SLC1A3: variants seen among roughly 807,000 people sequenced by gnomAD.
SLC1A3 encodes the protein excitatory amino acid transporter 1.
In SLC1A3, 21 loss-of-function variants were observed where a neutral mutation model predicts 48.1. That is an observed-to-expected ratio of 0.44 (90% CI 0.31 to 0.63). The LOEUF (loss-of-function observed/expected upper bound fraction) is 0.63, where lower values mean the gene tolerates loss of function less well. SLC1A3 is among the 20% of genes least tolerant of loss of function. SLC1A3 has a pLI of 0.08. For synonymous variants in SLC1A3, 239 were observed against 251.4 expected (o/e 0.95, Z 0.47); for missense variants, 546 against 689.0 (o/e 0.79, Z 2.32).
chr5:36,651,546 C>T (rs1359605987), intron 3 of SLC1A3, among the ~76,000 whole-genome samples: 1 of 146,856 alleles, frequency 6.8e-6, no homozygotes, highest in African/African-American at 2.5e-5. Flanking sequence ...CACCCTCCCA[C>T]CCCCAGCCCA....
intron 1 of SLC1A3, among the ~76,000 whole-genome samples, chr5:36,597,233 C>CT (rs70976237): frequency 0.057 from 2,619 of 45,638 alleles, 672 homozygotes; most frequent in African/African-American, 0.064. Context: ...TTCTTCCTTT[C>CT]TTTTTTTTTT....
intron 3 of SLC1A3, among the ~76,000 whole-genome samples, chr5:36,633,426 C>T (rs1366361174): frequency 6.6e-6 from 1 of 152,104 alleles, no homozygotes; most frequent in African/African-American, 2.4e-5. Flanking sequence ...GTGTCTGGGA[C>T]GTATGGTAGG....
Position 36,683,716 on chromosome 5 carries a change from A to C in SLC1A3, c.1290-148A>C, listed in dbSNP as rs1742530454. The C allele has an allele frequency of 1.2e-5, 10 of 853,136 alleles. 1 individual carries two copies. The Admixed American group carries it at 2.2e-4, about 19-fold the overall frequency. The allele number at this position is 853,136 out of a possible 1,614,324, so 52.8% of individuals were successfully genotyped here. A position where few individuals can be genotyped will look rare whatever the true frequency, so the allele number is the denominator to read the frequency against. ...GAGTGAGATACTGTTTCAAAAAAAA[A>C]AAAAATCTCATTTACGTTTTTTCTG... is the stretch of plus-strand genomic sequence containing the variant. On this transcript the variant is annotated intron_variant, in intron 8 of 9. Transcript: ENST00000265113.
chr5:36,609,335 A>G (rs1447966150), intron 2 of SLC1A3: 1 of 829,308 alleles, frequency 1.2e-6, no homozygotes, highest in Non-Finnish European at 1.5e-6. Context: ...CATTGATCCT[A>G]CTTTAAAATA....
chr5:36,597,128 G>T (rs1030470837), intron 1 of SLC1A3, among the ~76,000 whole-genome samples: 1 of 150,492 alleles, frequency 6.6e-6, no homozygotes, highest in Non-Finnish European at 1.5e-5. Context: ...TGGTGTTACT[G>T]CTCGTTCTGC....
At chr5:36,669,645 T>C (rs1741904409) in intron 3 of SLC1A3, 1 of 152,124 alleles carries the variant, frequency 6.6e-6, no homozygotes, top group African/African-American at 2.4e-5. Context: ...ATAATGAAAA[T>C]TATAAGTGAT....
chr5:36,616,190 A>G (rs1561241249), intron 2 of SLC1A3, among the ~76,000 whole-genome samples: 1 of 152,164 alleles, frequency 6.6e-6, no homozygotes, highest in South Asian at 2.1e-4. Context: ...TAGAGACTCC[A>G]TCTAAAAAAA....
At chr5:36,638,484 T>C (rs890211544) in intron 3 of SLC1A3, among the ~76,000 whole-genome samples, 2 of 152,160 alleles carry the variant, frequency 1.3e-5, no homozygotes, top group Non-Finnish European at 1.5e-5. Context: ...TTTCAATCTT[T>C]CCGTAAAGTT....
chr5:36,679,003 T>C (rs2055086318), intron 6 of SLC1A3, among the ~76,000 whole-genome samples: 1 of 152,256 alleles, frequency 6.6e-6, no homozygotes, highest in Admixed American at 6.5e-5. Context: ...AAAGGTGATC[T>C]GAAGAATAAT....
chr5:36,650,254 G>A (rs559351151), intron 3 of SLC1A3, among the ~76,000 whole-genome samples: 34 of 152,274 alleles, frequency 2.2e-4, no homozygotes, highest in African/African-American at 7.2e-4. Context: ...TGAGGGAAAG[G>A]CTGCTTTCCA....
chr5:36,603,723 G>C (rs144329355), upstream of SLC1A3, among the ~76,000 whole-genome samples: 1 of 152,116 alleles, frequency 6.6e-6, no homozygotes, highest in Non-Finnish European at 1.5e-5. Flanking sequence ...TTACACTCTG[G>C]GGTTAAGTCA....
intron 3 of SLC1A3, among the ~76,000 whole-genome samples, chr5:36,656,027 C>T (rs1017803413): frequency 5.3e-5 from 8 of 152,156 alleles, no homozygotes; most frequent in African/African-American, 1.9e-4. Flanking sequence ...TGACTGAGAA[C>T]ATTGGTGTTG....
chr5:36,606,322 C>A (rs1738938533), upstream of SLC1A3: 1 of 152,262 alleles, frequency 6.6e-6, no homozygotes, highest in Non-Finnish European at 1.5e-5. Context: ...TTGAAACGTT[C>A]TAATCAAGAC....
chr5:36,607,191 T>C (rs1738985557), intron 1 of SLC1A3: 1 of 152,150 alleles, frequency 6.6e-6, no homozygotes, highest in Non-Finnish European at 1.5e-5. Context: ...TTAAGACAAG[T>C]CTTTTTTTTT....
At chr5:36,654,028 G>C (rs1248149019) in intron 3 of SLC1A3, among the ~76,000 whole-genome samples, 1 of 152,146 alleles carries the variant, frequency 6.6e-6, no homozygotes, top group Non-Finnish European at 1.5e-5. Context: ...ATTTTTCGTA[G>C]AGACAGGGTT....
At chr5:36,650,213 C>G (rs1434346735) in intron 3 of SLC1A3, among the ~76,000 whole-genome samples, 1 of 152,122 alleles carries the variant, frequency 6.6e-6, no homozygotes, top group Non-Finnish European at 1.5e-5. Flanking sequence ...AGTCCTCTCT[C>G]CTGAATACAG....
chr5:36,644,850 C>T (rs1276871181), intron 3 of SLC1A3, among the ~76,000 whole-genome samples: 2 of 152,164 alleles, frequency 1.3e-5, no homozygotes, highest in Non-Finnish European at 2.9e-5. Flanking sequence ...CCTCAGCCGC[C>T]CCTGTGGTTG....
chr5:36,641,968 G>T (rs985523530), intron 3 of SLC1A3, among the ~76,000 whole-genome samples: 4 of 152,106 alleles, frequency 2.6e-5, no homozygotes, highest in Admixed American at 1.3e-4. Context: ...TATCATTTAG[G>T]CATAATACTT....
At chr5:36,684,758 A>G (rs995101364) in intron 9 of SLC1A3, among the ~76,000 whole-genome samples, 1 of 152,208 alleles carries the variant, frequency 6.6e-6, no homozygotes, top group African/African-American at 2.4e-5. Context: ...GTGAAACCCC[A>G]GACTGGGCGA....
Sources: allele counts gnomAD v4.1 joint callset (sites outside exome capture counted in the v4.1 genomes callset), GRCh38; gene constraint gnomAD v4.1.1; transcripts MANE v1.5; gene names NCBI Gene and HGNC (gene_info 2026-07-23, HGNC 2026-07-21).